The following MECOM variants were observed in gnomAD, a reference collection of about 807,000 sequenced individuals.
MECOM encodes MDS1 and EVI1 complex locus, also known as histone-lysine N-methyltransferase MECOM.
In MECOM, 13 loss-of-function variants were observed where a neutral mutation model predicts 116.3. The observed-to-expected ratio is 0.11, with a 90% confidence interval of 0.07 to 0.18. The LOEUF (loss-of-function observed/expected upper bound fraction) is 0.18, where lower values mean the gene tolerates loss of function less well. Ranked by LOEUF, MECOM falls within the 10% of genes least tolerant of loss-of-function variation. The probability of loss-of-function intolerance (pLI) is 1.00; values close to 1 mark genes in which losing one functional copy is unlikely to be tolerated. For synonymous variants in MECOM, 528 were observed against 535.2 expected, an observed-to-expected ratio of 0.99 and a Z score of 0.19; for missense variants, 1,299 against 1,509.0, an observed-to-expected ratio of 0.86 and a Z score of 2.31.
chr3:169,189,268 T>C (rs1306354310), intron 2 of MECOM, among the ~76,000 whole-genome samples: 1 of 152,024 alleles, frequency 6.6e-6, no homozygotes, highest in Non-Finnish European at 1.5e-5. Flanking sequence ...CACTAAAAAG[T>C]CTTCTACTTG....
At chr3:169,222,936 A>AT (rs1023182199) in intron 2 of MECOM, among the ~76,000 whole-genome samples, 3 of 152,042 alleles carry the variant, frequency 2.0e-5, no homozygotes, top group African/African-American at 7.2e-5. Flanking sequence ...GAACAATTAG[A>AT]TTTTTTTCAC....
intron 1 of MECOM, among the ~76,000 whole-genome samples, chr3:169,622,594 T>C (rs1770887697): frequency 1.3e-5 from 2 of 152,220 alleles, no homozygotes; most frequent in African/African-American, 4.8e-5. Flanking sequence ...AACATCAACT[T>C]CCACCTATAG....
At chr3:169,221,135 C>A (rs1752080981) in intron 2 of MECOM, among the ~76,000 whole-genome samples, 1 of 152,116 alleles carries the variant, frequency 6.6e-6, no homozygotes, top group South Asian at 2.1e-4. Context: ...GTAAAATGGG[C>A]AAATACTGGA....
At chr3:169,592,928 T>G (rs1415162820) in intron 1 of MECOM, among the ~76,000 whole-genome samples, 1 of 152,230 alleles carries the variant, frequency 6.6e-6, no homozygotes, top group African/African-American at 2.4e-5. Context: ...TATATGTACA[T>G]AAAAAATACG....
chr3:169,112,936 C>T, intron 8 of MECOM, 62 bp from the exon 9 acceptor site: 3 of 1,178,484 alleles, frequency 2.5e-6, no homozygotes. Context: ...ACTACATAAT[C>T]ACTGACATTT....
intron 1 of MECOM, among the ~76,000 whole-genome samples, chr3:169,582,022 A>C (rs1765176775): frequency 6.6e-6 from 1 of 152,240 alleles, no homozygotes; most frequent in Non-Finnish European, 1.5e-5. Context: ...TAGACTCCCA[A>C]ATATTCCTTC....
At chr3:169,562,061 G>A (rs6762316) in intron 1 of MECOM, among the ~76,000 whole-genome samples, 10,872 of 141,228 alleles carry the variant, frequency 0.077, 850 homozygotes, top group African/African-American at 0.21. Context: ...CAGGAGAATC[G>A]CTTGAACCTG....
chr3:169,415,499 C>T (rs1738407588), intron 1 of MECOM, among the ~76,000 whole-genome samples: 1 of 152,164 alleles, frequency 6.6e-6, no homozygotes, highest in Non-Finnish European at 1.5e-5. Flanking sequence ...AACCAGCTAG[C>T]ATCATGATAG....
intron 1 of MECOM, among the ~76,000 whole-genome samples, chr3:169,448,935 A>T (rs1745100520): frequency 6.6e-6 from 1 of 152,184 alleles, no homozygotes; most frequent in Non-Finnish European, 1.5e-5. Context: ...TGACACCTCC[A>T]TACCATGATA....
At chr3:169,299,853 T>C (rs1024332852) in intron 2 of MECOM, among the ~76,000 whole-genome samples, 3 of 151,870 alleles carry the variant, frequency 2.0e-5, no homozygotes, top group African/African-American at 7.3e-5. Flanking sequence ...ATAAACAAAT[T>C]GCATAATTTT....
chr3:169,566,201 T>C (rs983767162), intron 1 of MECOM, among the ~76,000 whole-genome samples: 1 of 152,074 alleles, frequency 6.6e-6, no homozygotes, highest in African/African-American at 2.4e-5. Flanking sequence ...CCTCGACAAG[T>C]AGGGATTACA....
At chr3:169,488,444 G>C (rs1223774214) in intron 1 of MECOM, among the ~76,000 whole-genome samples, 2 of 151,448 alleles carry the variant, frequency 1.3e-5, no homozygotes, top group South Asian at 4.2e-4. Context: ...TACTCAGGAG[G>C]CTGAGGCAGG....
At chr3:169,189,211 A>G (rs1747187726) in intron 2 of MECOM, among the ~76,000 whole-genome samples, 1 of 152,126 alleles carries the variant, frequency 6.6e-6, no homozygotes, top group Non-Finnish European at 1.5e-5. Context: ...ATAATATGAC[A>G]TAAGTCCTTT....
intron 1 of MECOM, among the ~76,000 whole-genome samples, chr3:169,439,820 T>C (rs1402586782): frequency 6.6e-6 from 1 of 152,016 alleles, no homozygotes; most frequent in East Asian, 1.9e-4. Flanking sequence ...AGAAAATGAA[T>C]AAATAAACGG....
At chr3:169,435,759 A>G (rs1458341781) in intron 1 of MECOM, among the ~76,000 whole-genome samples, 1 of 152,226 alleles carries the variant, frequency 6.6e-6, no homozygotes, top group Admixed American at 6.5e-5. Flanking sequence ...TGCTTCTGCT[A>G]AACTGCATTT....
At chr3:169,549,029 A>C (rs932908230) in intron 1 of MECOM, among the ~76,000 whole-genome samples, 1 of 141,840 alleles carries the variant, frequency 7.1e-6, no homozygotes, top group Admixed American at 7.5e-5. Flanking sequence ...GCTGGAGTGC[A>C]GTGGCACGAT....
chr3:169,628,843 C>T (rs116225675), intron 1 of MECOM, among the ~76,000 whole-genome samples: 162 of 152,318 alleles, frequency 1.1e-3, no homozygotes, highest in Non-Finnish European at 2.0e-3. Flanking sequence ...AGCACAGGTG[C>T]TCTTGCAGAT....
At chr3:169,118,795 G>A (rs995466098) in intron 7 of MECOM, among the ~76,000 whole-genome samples, 1 of 151,956 alleles carries the variant, frequency 6.6e-6, no homozygotes, top group Non-Finnish European at 1.5e-5. Flanking sequence ...GGTGGCACCC[G>A]TTGTTACATG....
intron 2 of MECOM, among the ~76,000 whole-genome samples, chr3:169,312,088 C>A (rs1004107882): frequency 1.3e-5 from 2 of 152,026 alleles, no homozygotes; most frequent in Non-Finnish European, 2.9e-5. Context: ...TGAGTTGGGA[C>A]GCCACTAGAG....
Sources: allele counts gnomAD v4.1 joint callset (sites outside exome capture counted in the v4.1 genomes callset), GRCh38; gene constraint gnomAD v4.1.1; transcripts MANE v1.5; gene names NCBI Gene and HGNC (gene_info 2026-07-23, HGNC 2026-07-21).